Variants in NCOA6 observed in about 807,000 individuals in gnomAD.
NCOA6 encodes NRC RAP250.
Under a neutral mutation model 171.4 loss-of-function variants are expected in NCOA6, and 49 were observed. The ratio of observed to expected loss-of-function variants is 0.29; its 90% CI spans 0.23 to 0.36. The LOEUF (loss-of-function observed/expected upper bound fraction) is 0.36, where lower values mean the gene tolerates loss of function less well. Among genes scored for constraint, NCOA6 ranks in the 10% least tolerant of loss-of-function variants. The pLI, the probability that NCOA6 is intolerant of heterozygous loss-of-function variation, is 1.00. For missense variants in NCOA6, 2,248 were observed against 2,554.5 expected, an observed-to-expected ratio of 0.88 and a Z score of 2.59; for synonymous variants, 910 against 927.5, an observed-to-expected ratio of 0.98 and a Z score of 0.34.
In NCOA6 at chr20:34,758,931, T is replaced by G. The variant is rs2076733902; in HGVS notation, c.517A>C (p.Ile173Leu). The change falls in exon 6 of 15, where the codon ATA (isoleucine) becomes CTA (leucine). Residue 173 changes from isoleucine (I) to leucine (L), a missense_variant and splice_region_variant. Coordinates refer to ENST00000359003, the MANE Select transcript of NCOA6 (RefSeq NM_014071.5). Reference sequence around the variant, plus strand: ...GTGGCAGGGTTGTTCATCCTTATTATTCCTAGAAAAAAGATCCCTAAAATA... The same window carrying G: ...GTGGCAGGGTTGTTCATCCTTATTAGTCCTAGAAAAAAGATCCCTAAAATA... ...AGFPMASGPGIIRMNNPATVM... is the reference protein window; with the variant it reads ...AGFPMASGPGLIRMNNPATVM... 1 of 1,613,394 alleles carries G rather than the reference T, an allele frequency of 6.2e-7. No homozygotes were observed. Among genetic ancestry groups the G allele is most frequent in the African/African-American group, 1.3e-5 (1 of 74,958 alleles).
chr20:34,788,175 T>C (rs1173470678), intron 2 of NCOA6, among the ~76,000 whole-genome samples: 1 of 151,698 alleles, frequency 6.6e-6, no homozygotes, highest in African/African-American at 2.4e-5. Flanking sequence ...ATGTATTTCA[T>C]TTATTTTAAT....
At chr20:34,803,165 G>GT (rs944207042) in intron 1 of NCOA6, among the ~76,000 whole-genome samples, 1 of 151,966 alleles carries the variant, frequency 6.6e-6, no homozygotes, top group Non-Finnish European at 1.5e-5. Context: ...GCTACACTTC[G>GT]TAAGTAATCA....
At position 34,741,311 on chromosome 20, in the gene NCOA6, A is replaced by G. The variant is rs749706896; in HGVS notation, c.4945T>C (p.Ser1649Pro). ...GTAATGAACTGAGGCCGGGCATTAG[A>G]CTGAGCAGCTGACTGTCCCTCAGAA... Reference protein sequence around the residue: ...MVSEGQSAAQSNARPQFITPV... With the variant: ...MVSEGQSAAQPNARPQFITPV... Residue 1649 changes from serine to proline, a missense_variant, in exon 11 of 15, where the codon TCT becomes CCT. By Grantham distance (74) the Ser-to-Pro change is moderately conservative. Around this residue, in one of 7 missense-constraint regions of NCOA6, gnomAD observed 884 missense variants for 941.9 expected, o/e 0.94. Coordinates refer to ENST00000359003, the MANE Select transcript of NCOA6 (RefSeq NM_014071.5). 1 of 1,614,246 alleles carries G rather than the reference A, an allele frequency of 6.2e-7. No homozygotes were observed. The highest frequency in any genetic ancestry group is 1.1e-5 in the South Asian group (1 of 91,086).
chr20:34,777,116 CAAAAAAAAAAAA>C (rs1157021055), intron 3 of NCOA6, among the ~76,000 whole-genome samples: 2 of 43,842 alleles, frequency 4.6e-5, no homozygotes, highest in East Asian at 6.2e-4. Flanking sequence ...GACTCCGTCT[CAAAAAAAAAAAA>C]AAAAAAAAAA....
At position 34,757,514 on chromosome 20, in the gene NCOA6, A is replaced by C; in HGVS notation, c.1234T>G (p.Ser412Ala). The change falls in exon 7 of 15, where the codon TCT becomes GCT. Residue 412 changes from serine (S) to alanine (A), a missense_variant. Around this residue, in one of 7 missense-constraint regions of NCOA6, gnomAD observed 987 missense variants for 1,104.7 expected, o/e 0.89. Coordinates refer to ENST00000359003, the MANE Select transcript of NCOA6 (RefSeq NM_014071.5). ...TGCTGCAAGGGAGTTGGGACCCTAG[A>C]GGGCCCTCCCTGCAAACTCTTCATC... is the stretch of plus-strand genomic sequence containing the variant. ...PQMKSLQGGP[S>A]RVPTPLQQPH... The C allele has an allele frequency of 6.2e-7, 1 of 1,613,876 alleles. No individual in the cohort carries two copies. Among genetic ancestry groups the C allele is most frequent in the Middle Eastern group, 1.7e-4 (1 of 6,060 alleles).
chr20:34,729,089 T>C (rs1399036355), intron 13 of NCOA6, among the ~76,000 whole-genome samples: 1 of 152,184 alleles, frequency 6.6e-6, no homozygotes, highest in Non-Finnish European at 1.5e-5. Context: ...TAGCTGGGAT[T>C]ACAGGCATGC....
In NCOA6 at chr20:34,730,712, CTTTTTTTT is replaced by C. The variant is rs141101262; in HGVS notation, c.5999+1839_5999+1846del. On this transcript the variant is annotated intron_variant, in intron 13 of 14. Coordinates refer to ENST00000359003, the MANE Select transcript of NCOA6 (RefSeq NM_014071.5). The stretch of plus-strand genomic sequence containing the variant: ...GCTATTTAATGCTCTATGTTCTAGA[CTTTTTTTT>C]TTTTTTTTTTAAGATAGAGTCTTAC... Among the ~76,000 whole-genome samples the C allele has an allele frequency of 3.9e-5, 5 of 129,040 alleles. No homozygotes were observed. The Admixed American group carries it at 4.0e-4, about 10-fold the overall frequency. 84.7% of individuals were successfully genotyped at this position (129,040 alleles called of 152,430 possible). A position where few individuals can be genotyped will look rare whatever the true frequency, so the allele number is the denominator to read the frequency against.
chr20:34,791,259 T>C (rs1349659219), intron 2 of NCOA6, among the ~76,000 whole-genome samples: 1 of 152,224 alleles, frequency 6.6e-6, no homozygotes, highest in Non-Finnish European at 1.5e-5. Flanking sequence ...TTTAATTTCT[T>C]CTCGAAACAT....
In NCOA6 at chr20:34,750,428, G is replaced by A. The variant is rs761541945; in HGVS notation, c.1767C>T (p.Gly589=). The change falls in exon 9 of 15, where the codon GGC becomes GGT. Residue 589 remains glycine, a synonymous_variant. Coordinates refer to ENST00000359003, the MANE Select transcript of NCOA6 (RefSeq NM_014071.5). ...MMQPSLMGIH[G]NMNNQQAGTS... is the part of the protein sequence containing the mutation. ...TACCAGCCTGCTGATTGTTCATGTT[G>A]CCATGAATTCCCATGAGGCTGGGCT... is the stretch of plus-strand genomic sequence containing the variant. 6 of 1,613,916 alleles carry A rather than the reference G, an allele frequency of 3.7e-6. No homozygotes were observed. The highest frequency in any genetic ancestry group is 3.3e-5 in the South Asian group (3 of 91,070).
chr20:34,824,905 C>T (rs1490262809), intron 1 of NCOA6, among the ~76,000 whole-genome samples: 1 of 152,140 alleles, frequency 6.6e-6, no homozygotes, highest in African/African-American at 2.4e-5. Context: ...TCCCTCCCAG[C>T]AAAGAACTGC....
At chr20:34,731,006 C>T (rs6060021) in intron 13 of NCOA6, among the ~76,000 whole-genome samples, 165 of 151,880 alleles carry the variant, frequency 1.1e-3, no homozygotes, top group South Asian at 2.9e-3. Flanking sequence ...TGAGCCCGGC[C>T]GTTCTAGACT....
At chr20:34,739,494 C>T (rs2076063406) in intron 11 of NCOA6, among the ~76,000 whole-genome samples, 1 of 152,180 alleles carries the variant, frequency 6.6e-6, no homozygotes, top group Non-Finnish European at 1.5e-5. Flanking sequence ...CAGCTCTCCT[C>T]TAGAGTAGCC....
chr20:34,802,659 A>G (rs571367465), intron 1 of NCOA6, among the ~76,000 whole-genome samples: 10 of 152,164 alleles, frequency 6.6e-5, no homozygotes, highest in Non-Finnish European at 1.5e-4. Flanking sequence ...ATGATCATAT[A>G]TTGGTTACAT....
intron 8 of NCOA6, 63 bp from the exon 9 acceptor site, chr20:34,750,582 ACTC>A: frequency 1.4e-6 from 2 of 1,453,586 alleles, no homozygotes; most frequent in Non-Finnish European, 1.8e-6. Context: ...GTATTAAGAT[ACTC>A]AAGTTACATT....
At chr20:34,796,704 T>C (rs996961160) in intron 1 of NCOA6, among the ~76,000 whole-genome samples, 6 of 151,814 alleles carry the variant, frequency 4.0e-5, no homozygotes, top group African/African-American at 1.2e-4. Context: ...GGAGACTGAA[T>C]TGGGAGGATC....
intron 1 of NCOA6, among the ~76,000 whole-genome samples, chr20:34,800,541 A>G (rs577410966): frequency 6.6e-6 from 1 of 152,250 alleles, no homozygotes; most frequent in East Asian, 1.9e-4. Flanking sequence ...GATGGAAACC[A>G]AAAAAGAGCA....
rs1433543837 is a variant in NCOA6 at position 34,730,269 on chromosome 20, T to C, written c.5999+2290A>G. ...TAATTTTTTATTTTTTATTTTTTTT[T>C]CATAGAGACAGGGTCTCCCTATGTT... On this transcript the variant is annotated intron_variant, in intron 13 of 14. Coordinates refer to ENST00000359003, the MANE Select transcript of NCOA6 (RefSeq NM_014071.5). Among the ~76,000 whole-genome samples, 4 of 151,916 alleles carry C rather than the reference T, an allele frequency of 2.6e-5. No homozygotes were observed. The East Asian group carries it at 7.8e-4, about 29-fold the overall frequency.
chr20:34,769,512 C>T (rs1199870566), intron 4 of NCOA6, among the ~76,000 whole-genome samples: 1 of 151,660 alleles, frequency 6.6e-6, no homozygotes, highest in Non-Finnish European at 1.5e-5. Context: ...TACAGGCGCC[C>T]ACCACCACGC....
chr20:34,784,864 T>A (rs1490993673), intron 2 of NCOA6, among the ~76,000 whole-genome samples: 1 of 152,092 alleles, frequency 6.6e-6, no homozygotes, highest in African/African-American at 2.4e-5. Context: ...GCAGATCACC[T>A]GAGGTCAGGA....
Sources: gnomAD v4.1 joint callset for allele counts (sites outside exome capture counted in the v4.1 genomes callset) on GRCh38, gnomAD v4.1.1 for gene constraint, gnomAD v4.1.1 regional missense constraint, MANE v1.5 for transcripts, NCBI Gene and HGNC (gene_info 2026-07-23, HGNC 2026-07-21) for gene names.